The following CFAP46 variants were observed in gnomAD, a reference collection of about 807,000 sequenced individuals.
The protein encoded by CFAP46 is cilia- and flagella-associated protein 46.
CFAP46 carries 245 observed loss-of-function variants against 325.7 expected under a neutral mutation model. That is an observed-to-expected ratio of 0.75 (90% confidence interval 0.68 to 0.84). The LOEUF (loss-of-function observed/expected upper bound fraction) is 0.84. Among genes scored for constraint, CFAP46 ranks in the 40% least tolerant of loss-of-function variants. The pLI is 0.00. For synonymous variants in CFAP46, 1,523 were observed against 1,495.9 expected (o/e 1.02, Z -0.42); for missense variants, 3,346 against 3,543.0 (o/e 0.94, Z 1.41).
intron 10 of CFAP46, among the ~76,000 whole-genome samples, chr10:132,925,122 C>G (rs1019536640): frequency 8.5e-5 from 13 of 152,240 alleles, no homozygotes; most frequent in African/African-American, 2.9e-4. Flanking sequence ...CGTGGCTGCG[C>G]CCGCCTCCCC....
At chr10:132,864,786 C>T (rs1400090363) in intron 35 of CFAP46, among the ~76,000 whole-genome samples, 1 of 134,820 alleles carries the variant, frequency 7.4e-6, no homozygotes, top group African/African-American at 2.8e-5. Context: ...CACCTGTCCC[C>T]CTGCTTGAGA....
chr10:132,910,391 G>T (rs551457183), intron 19 of CFAP46, among the ~76,000 whole-genome samples: 371 of 152,354 alleles, frequency 2.4e-3, no homozygotes, highest in Middle Eastern at 6.8e-3. Flanking sequence ...GCTGGTATCG[G>T]TTGGGGGTGG....
chr10:132,893,979 G>GCCA (rs1564792745), intron 24 of CFAP46, among the ~76,000 whole-genome samples: 1 of 149,848 alleles, frequency 6.7e-6, no homozygotes, highest in Non-Finnish European at 1.5e-5. Context: ...TGGGTTCACT[G>GCCA]CTGGTAACAC....
chr10:132,821,148 GTGC>G (rs1216324553), intron 50 of CFAP46, among the ~76,000 whole-genome samples: 7 of 133,592 alleles, frequency 5.2e-5, no homozygotes, highest in African/African-American at 2.0e-4. Flanking sequence ...TGCTGTGTGA[GTGC>G]TGATGTGTGC....
At chr10:132,934,883 A>C in intron 7 of CFAP46, 21 bp from the exon 8 acceptor site, 1 of 1,364,814 alleles carries the variant, frequency 7.3e-7, no homozygotes, top group East Asian at 2.3e-5. Flanking sequence ...TTCAGAGAGT[A>C]ATTCAGCACA....
In CFAP46 at chr10:132,810,840, C is replaced by A. The variant is rs529421627; in HGVS notation, c.7583+110G>T. ...GCATGTGCACCCTGACAGCTCTCAC[C>A]GTTCTTGAAACCCGACCCCAGGTCC... On this transcript the variant is annotated intron_variant, in intron 56 of 57. Coordinates refer to ENST00000368586, the MANE Select transcript of CFAP46 (RefSeq NM_001200049.3). 19 of 995,568 alleles carry A rather than the reference C, an allele frequency of 1.9e-5. No individual in the cohort carries two copies. In the Admixed American group the frequency reaches 2.6e-4, roughly 14 times the overall value. 61.7% of individuals were successfully genotyped at this position (995,568 alleles called of 1,614,324 possible). A position where few individuals can be genotyped will look rare whatever the true frequency, so the allele number is the denominator to read the frequency against.
At chr10:132,937,969 G>A (rs1019091554) in intron 5 of CFAP46, among the ~76,000 whole-genome samples, 2 of 152,230 alleles carry the variant, frequency 1.3e-5, no homozygotes, top group African/African-American at 4.8e-5. Context: ...CAGGCTGTGG[G>A]CTTGGTGCCG....
rs138681285 is a variant in CFAP46 at position 132,880,898 on chromosome 10, C to A, written c.3762G>T (p.Pro1254=). 2.2e-5 allele frequency: 34 copies of A among 1,549,890 alleles called. No individual in the cohort carries two copies. Among genetic ancestry groups the A allele is most frequent in the Non-Finnish European group, 1.6e-5 (18 of 1,146,994 alleles). The change falls in exon 28 of 58, where the codon CCG becomes CCT. Residue 1254 remains proline, a synonymous_variant. Coordinates refer to ENST00000368586, the MANE Select transcript of CFAP46 (RefSeq NM_001200049.3). ...WAVEILLAMK[P]PGDVPEPQPT... is the part of the protein sequence containing the mutation. ...GCTGTGGCTCAGGGACATCGCCGGG[C>A]GGCTTCATGGCCAGCAGGATCTCGA... is the stretch of plus-strand genomic sequence containing the variant.
At chr10:132,913,874 T>C (rs11816135) in intron 17 of CFAP46, among the ~76,000 whole-genome samples, 113,768 of 149,226 alleles carry the variant, frequency 0.76, 43,519 homozygotes, top group African/African-American at 0.87. Context: ...ACCTGAAGCC[T>C]GGCCTGGTGC....
At chr10:132,938,368 G>T (rs1850043547) in intron 5 of CFAP46, among the ~76,000 whole-genome samples, 1 of 152,234 alleles carries the variant, frequency 6.6e-6, no homozygotes, top group African/African-American at 2.4e-5. Context: ...TTGTTCTGTT[G>T]TCATAACCTC....
rs1397611178 is a variant in CFAP46 at position 132,832,949 on chromosome 10, A to C, written c.7117+409T>G. 8 of 395,514 alleles carry C rather than the reference A, an allele frequency of 2.0e-5. No homozygotes were observed. Among genetic ancestry groups the C allele is most frequent in the Non-Finnish European group, 4.2e-5 (8 of 191,622 alleles). 24.5% of individuals were successfully genotyped at this position (395,514 alleles called of 1,614,324 possible). A position where few individuals can be genotyped will look rare whatever the true frequency, so the allele number is the denominator to read the frequency against. ...ACTGGCACATAGCAGGTATTTTATA[A>C]ATAGTTTTGAGTGTTTATATATATA... is the stretch of plus-strand genomic sequence containing the variant. On this transcript the variant is annotated intron_variant, in intron 50 of 57. Transcript: ENST00000368586. The surrounding 1 kb of genome is among the most constrained non-coding windows in gnomAD (Gnocchi z 4.1).
chr10:132,875,033 T>C (rs1366651307), intron 31 of CFAP46, among the ~76,000 whole-genome samples: 1 of 152,150 alleles, frequency 6.6e-6, no homozygotes, highest in Non-Finnish European at 1.5e-5. Context: ...TACAGACAAA[T>C]TACTAAAGTT....
chr10:132,940,191 G>A (rs1357160290), intron 4 of CFAP46, among the ~76,000 whole-genome samples: 1 of 152,186 alleles, frequency 6.6e-6, no homozygotes, highest in East Asian at 1.9e-4. Context: ...GACCAGAGAA[G>A]GCCACCAGCA....
intron 39 of CFAP46, among the ~76,000 whole-genome samples, chr10:132,852,278 A>C (rs574665927): frequency 6.7e-6 from 1 of 150,308 alleles, no homozygotes; most frequent in African/African-American, 2.5e-5. Flanking sequence ...ATTTACTTAG[A>C]CATTCTCAGA....
Position 132,894,647 on chromosome 10 carries a change from C to T in CFAP46, c.3220-2230G>A, listed in dbSNP as rs182460356. 5.3e-5 allele frequency among the ~76,000 whole-genome samples: 8 copies of T among 152,032 alleles called. No homozygotes were observed. The South Asian group carries it at 6.2e-4, about 12-fold the overall frequency. On this transcript the variant is annotated intron_variant, in intron 24 of 57. Transcript: ENST00000368586. The stretch of plus-strand genomic sequence containing the variant: ...GTAAGGCAAGTGGAGACATTACTAC[C>T]GACCTCAGGGAGATAAAAAGGATTA...
intron 9 of CFAP46, 191 bp downstream of exon 9, chr10:132,929,514 G>A: frequency 1.3e-6 from 1 of 782,870 alleles, no homozygotes; most frequent in South Asian, 1.3e-5. Flanking sequence ...AAACGGGCAG[G>A]TGTAAAATTG....
chr10:132,848,137 G>A (rs1433417413), intron 41 of CFAP46, among the ~76,000 whole-genome samples: 1 of 152,110 alleles, frequency 6.6e-6, no homozygotes. Context: ...GAGACCACTC[G>A]GTGTGTTTTC....
At chr10:132,813,042 G>A in intron 54 of CFAP46, 145 bp from the exon 55 acceptor site, 2 of 633,300 alleles carry the variant, frequency 3.2e-6, no homozygotes, top group South Asian at 1.9e-5. Flanking sequence ...TGTTCCTAAT[G>A]CCCACGCCTC....
Position 132,916,572 on chromosome 10 carries a change from C to T in CFAP46, c.2097G>A (p.Val699=). The T allele has an allele frequency of 6.5e-7, 1 of 1,548,288 alleles. No homozygotes were observed. The highest frequency in any genetic ancestry group is 8.7e-7 in the Non-Finnish European group (1 of 1,145,914). Reference sequence around the variant, plus strand: ...ACCTGTATGTGATCCACTCAGCATTCACCTCCGGGGGCTCAGGCACGTAGC... The same window carrying T: ...ACCTGTATGTGATCCACTCAGCATTTACCTCCGGGGGCTCAGGCACGTAGC... ...PAGYVPEPPE[V]NAEWITYRTW... Residue 699 remains valine (V), a synonymous_variant, in exon 17 of 58, where the codon GTG becomes GTA. Coordinates refer to ENST00000368586, the MANE Select transcript of CFAP46 (RefSeq NM_001200049.3).
Sources: allele counts gnomAD v4.1 joint callset (sites outside exome capture counted in the v4.1 genomes callset), GRCh38; gene constraint gnomAD v4.1.1; non-coding constraint Gnocchi (gnomAD v3.1); transcripts MANE v1.5; gene names NCBI Gene and HGNC (gene_info 2026-07-23, HGNC 2026-07-21).